Variants in IFITM10 observed in about 807,000 individuals in gnomAD.
IFITM10 encodes interferon-induced transmembrane protein 10.
A neutral mutation model predicts 19.0 loss-of-function variants in IFITM10; 17 were observed. The observed-to-expected ratio is 0.90, with a 90% CI of 0.61 to 1.34. The LOEUF is 1.34. IFITM10 is among the 40% of genes most tolerant of loss of function. The probability of loss-of-function intolerance (pLI) is 0.00; values close to 1 mark genes in which losing one functional copy is unlikely to be tolerated. For missense variants in IFITM10, 306 were observed against 319.8 expected (o/e 0.96, Z 0.33); for synonymous variants, 148 against 147.2 (o/e 1.01, Z -0.04).
In IFITM10 at chr11:1,750,195, A is replaced by C. The variant is rs926499423; in HGVS notation, c.84+164T>G. 7 of 765,432 alleles carry C rather than the reference A, an allele frequency of 9.1e-6. No homozygotes were observed. The African/African-American group carries it at 1.3e-4, about 14-fold the overall frequency. The allele number at this position is 765,432 out of a possible 1,614,324, so 47.4% of individuals were successfully genotyped here. A position where few individuals can be genotyped will look rare whatever the true frequency, so the allele number is the denominator to read the frequency against. On this transcript the variant is annotated intron_variant, in intron 1 of 2. Transcript: ENST00000340134. ...CAGCCTCAGCCGCCTCCGCTACCCCACCACATCCTCACTCTCACGGTATGC... is the reference window on the plus strand; with the variant it reads ...CAGCCTCAGCCGCCTCCGCTACCCCCCCACATCCTCACTCTCACGGTATGC...
intron 2 of IFITM10, among the ~76,000 whole-genome samples, chr11:1,738,324 G>A (rs943620573): frequency 7.2e-5 from 11 of 152,168 alleles, no homozygotes; most frequent in African/African-American, 2.2e-4. Context: ...CGTATGATGT[G>A]TTTTTCACAA....
chr11:1,748,551 C>G (rs1362758905), intron 1 of IFITM10: 4 of 164,342 alleles, frequency 2.4e-5, no homozygotes, highest in Non-Finnish European at 5.2e-5. Flanking sequence ...AAAGCACCTG[C>G]CCACGGCGCC....
chr11:1,750,518 A>G lies in IFITM10; in HGVS notation c.-76T>C. The G allele has an allele frequency of 1.2e-5, 18 of 1,535,502 alleles. No individual in the cohort carries two copies. The highest frequency in any genetic ancestry group is 2.0e-5 in the Admixed American group (1 of 50,564). On this transcript the variant is annotated 5_prime_UTR_variant, in exon 1 of 3. Transcript: ENST00000340134. ...TCAACTGGCCTCCTGTGTCTCCGCA[A>G]CCCTCTTTCCTGTCTGGAAGGCCAG...
At chr11:1,746,635 G>C in intron 2 of IFITM10, 1 of 398,658 alleles carries the variant, frequency 2.5e-6, no homozygotes, top group Non-Finnish European at 4.4e-6. Context: ...GGGCGGGGTG[G>C]GGCTCGAGCT....
In IFITM10 at chr11:1,747,768, C is replaced by T. The variant is rs1845667429; in HGVS notation, c.436G>A (p.Asp146Asn). ...NPTTVIEVYP[D>N]TTEVNDYYLW... ...TAATAGTCGTTCACCTCGGTGGTGT[C>T]CGGGTAGACCTCGATGACGGTCGTG... is the stretch of plus-strand genomic sequence containing the variant. The change falls in exon 2 of 3, where the codon GAC becomes AAC. Residue 146 changes from aspartate to asparagine, a missense_variant. Physicochemically the swap from Asp to Asn is conservative, Grantham distance 23. Transcript: ENST00000340134. 6.4e-7 allele frequency: 1 copy of T among 1,551,830 alleles called. No individual in the cohort carries two copies. Among genetic ancestry groups the T allele is most frequent in the Non-Finnish European group, 8.7e-7 (1 of 1,146,930 alleles).
rs374394943 is a variant in IFITM10 at position 1,747,996 on chromosome 11, G to T, written c.208C>A (p.Pro70Thr). The T allele has an allele frequency of 3.4e-4, 485 of 1,444,522 alleles. 2 individuals carry two copies. In the East Asian group the frequency reaches 0.01, roughly 31 times the overall value. The allele number at this position is 1,444,522 out of a possible 1,614,324, so 89.5% of individuals were successfully genotyped here. A position where few individuals can be genotyped will look rare whatever the true frequency, so the allele number is the denominator to read the frequency against. Residue 70 changes from proline to threonine, a missense_variant, in exon 2 of 3, where the codon CCC (proline) becomes ACC (threonine). Pro to Thr is a conservative substitution (Grantham distance 38, BLOSUM62 -1). Transcript: ENST00000340134. ...GACACGCAAGCGAAGCAGCCCTTGG[G>T]CGAACCTGCCGGGGGCCTCGGAATC... ...FWIPRPPAGS[P>T]KGCFACVSKP...
chr11:1,746,924 C>T, intron 2 of IFITM10: 1 of 397,664 alleles, frequency 2.5e-6, no homozygotes. Flanking sequence ...AGGGCTCCAG[C>T]ACCAGACACA....
intron 2 of IFITM10, among the ~76,000 whole-genome samples, chr11:1,736,920 C>G (rs944622137): frequency 4.6e-5 from 7 of 151,850 alleles, no homozygotes; most frequent in Admixed American, 6.6e-5. Context: ...AAGTAGGTGA[C>G]TTGGAAGATA....
Position 1,733,230 on chromosome 11 carries a change from GC to G in IFITM10, c.*2049del, listed in dbSNP as rs934659277. 2 of 153,064 alleles carry G rather than the reference GC, an allele frequency of 1.3e-5. No homozygotes were observed. The highest frequency in any genetic ancestry group is 2.4e-5 in the African/African-American group (1 of 41,422). The allele number at this position is 153,064 out of a possible 1,614,324, so 9.5% of individuals were successfully genotyped here. On this transcript the variant is annotated 3_prime_UTR_variant, in exon 3 of 3. Coordinates refer to ENST00000340134, the MANE Select transcript of IFITM10 (RefSeq NM_001170820.4). This position sits in a 1 kb window ranked among gnomAD's most constrained non-coding sequence, Gnocchi z 6.3. ...CCATCCTCCAAGAGGCTCAATGACA[GC>G]TCCGTGCAGCCCCGCATCAGCCTCG...
At chr11:1,737,264 T>G (rs558723865) in intron 2 of IFITM10, among the ~76,000 whole-genome samples, 14 of 152,268 alleles carry the variant, frequency 9.2e-5, no homozygotes, top group Non-Finnish European at 1.5e-4. Flanking sequence ...TAAAATTGCA[T>G]GTCTAACTGA....
In IFITM10 at chr11:1,746,934, A is replaced by T. The variant is rs1365510948; in HGVS notation, c.537+733T>A. On this transcript the variant is annotated intron_variant, in intron 2 of 2. Coordinates refer to ENST00000340134, the MANE Select transcript of IFITM10 (RefSeq NM_001170820.4). Reference sequence around the variant, plus strand: ...CAGGAAGGGCTCCAGCACCAGACACATTGACACACGGCTGCCCCTCTCACT... The same window carrying T: ...CAGGAAGGGCTCCAGCACCAGACACTTTGACACACGGCTGCCCCTCTCACT... The T allele has an allele frequency of 7.6e-6, 3 of 397,210 alleles. No homozygotes were observed. In the East Asian group the frequency reaches 1.1e-4, roughly 14 times the overall value. 24.6% of individuals were successfully genotyped at this position (397,210 alleles called of 1,614,324 possible).
chr11:1,741,307 A>T (rs1299348606), intron 2 of IFITM10, among the ~76,000 whole-genome samples: 3 of 151,794 alleles, frequency 2.0e-5, no homozygotes, highest in Non-Finnish European at 4.4e-5. Flanking sequence ...GTGGGCCAAG[A>T]AGCAGGGAAG....
At chr11:1,735,513 CCA>C in intron 2 of IFITM10, 84 bp from the exon 3 acceptor site, 1 of 1,265,378 alleles carries the variant, frequency 7.9e-7, no homozygotes, top group East Asian at 2.5e-5. Context: ...AGAGCCGGTG[CCA>C]CAGTGCTCAG....
At position 1,747,610 on chromosome 11, in the gene IFITM10, T is replaced by A. The variant is rs1045645945; in HGVS notation, c.537+57A>T. On this transcript the variant is annotated intron_variant, in intron 2 of 2. Transcript: ENST00000340134. ...GCCGAGCGCCCACAGCCAGGGACTG[T>A]CCTGCCGGCACCACCTCTCTAGCCC... 6 of 1,472,476 alleles carry A rather than the reference T, an allele frequency of 4.1e-6. No homozygotes were observed. The Admixed American group carries it at 5.9e-5, about 15-fold the overall frequency. The allele number at this position is 1,472,476 out of a possible 1,614,324, so 91.2% of individuals were successfully genotyped here. A position where few individuals can be genotyped will look rare whatever the true frequency, so the allele number is the denominator to read the frequency against.
In IFITM10 at chr11:1,747,950, G is replaced by A. The variant is rs1395673225; in HGVS notation, c.254C>T (p.Ala85Val). The A allele has an allele frequency of 2.0e-6, 3 of 1,469,316 alleles. No individual in the cohort carries two copies. The South Asian group carries it at 4.2e-5, about 20-fold the overall frequency. 91.0% of individuals were successfully genotyped at this position (1,469,316 alleles called of 1,614,324 possible). A position where few individuals can be genotyped will look rare whatever the true frequency, so the allele number is the denominator to read the frequency against. The stretch of plus-strand genomic sequence containing the variant: ...GGGCTCAGGGGCAGGGGCCGCCGGA[G>A]CCTGCAGGGCAGGGGGCTTGGACAC... ...ACVSKPPALQ[A>V]PAAPAPEPSA... The change falls in exon 2 of 3, where the codon GCT becomes GTT. Residue 85 changes from alanine (A) to valine (V), a missense_variant. By Grantham distance (64) the Ala-to-Val change is moderately conservative. Coordinates refer to ENST00000340134, the MANE Select transcript of IFITM10 (RefSeq NM_001170820.4).
intron 2 of IFITM10, among the ~76,000 whole-genome samples, chr11:1,737,978 C>A (rs1851104214): frequency 6.6e-6 from 1 of 152,014 alleles, no homozygotes; most frequent in African/African-American, 2.4e-5. Flanking sequence ...GAGGCTGAGG[C>A]AGCTGGGGTA....
At chr11:1,745,586 C>A (rs1219299850) in intron 2 of IFITM10, 1 of 152,634 alleles carries the variant, frequency 6.6e-6, no homozygotes, top group Non-Finnish European at 1.5e-5. Flanking sequence ...TGATTACACA[C>A]GCATGCACAG....
chr11:1,742,775 T>C (rs1845583824), intron 2 of IFITM10, among the ~76,000 whole-genome samples: 1 of 152,160 alleles, frequency 6.6e-6, no homozygotes, highest in Non-Finnish European at 1.5e-5. Context: ...TGATCATGTG[T>C]GAACACAGGT....
intron 1 of IFITM10, chr11:1,748,996 C>G: frequency 9.7e-7 from 1 of 1,034,444 alleles, no homozygotes; most frequent in Non-Finnish European, 1.2e-6. Flanking sequence ...CCGCAGCCCC[C>G]CGGACGGCGC....
Sources: allele counts gnomAD v4.1 joint callset (sites outside exome capture counted in the v4.1 genomes callset), GRCh38; gene constraint gnomAD v4.1.1; non-coding constraint Gnocchi (gnomAD v3.1); transcripts MANE v1.5; gene names NCBI Gene and HGNC (gene_info 2026-07-23, HGNC 2026-07-21).